LRP6: variants seen among roughly 807,000 people sequenced by gnomAD.
LRP6 encodes LDL receptor related protein 6.
A neutral mutation model predicts 184.1 loss-of-function variants in LRP6; 43 were observed. The observed-to-expected ratio is 0.23, with a 90% confidence interval of 0.18 to 0.30. The LOEUF (loss-of-function observed/expected upper bound fraction) is 0.30, where lower values mean the gene tolerates loss of function less well. LRP6 is among the 10% of genes least tolerant of loss of function. LRP6 has a pLI of 1.00. For missense variants in LRP6, 1,571 were observed against 2,005.3 expected (o/e 0.78, Z 4.14); for synonymous variants, 719 against 684.9 (o/e 1.05, Z -0.78).
At chr12:12,266,572 CTCCTCT>C in intron 1 of LRP6, 103 bp downstream of exon 1, 1 of 942,600 alleles carries the variant, frequency 1.1e-6, no homozygotes. Flanking sequence ...CCTCTCCCCG[CTCCTCT>C]CCCCTTCTCC....
chr12:12,136,719 C>T (rs1360932970), intron 16 of LRP6, among the ~76,000 whole-genome samples: 1 of 152,204 alleles, frequency 6.6e-6, no homozygotes, highest in Admixed American at 6.5e-5. Flanking sequence ...TACAAATGAG[C>T]ATACTGTCCA....
intron 1 of LRP6, among the ~76,000 whole-genome samples, chr12:12,245,786 A>G (rs1865169371): frequency 6.6e-6 from 1 of 151,922 alleles, no homozygotes; most frequent in African/African-American, 2.4e-5. Flanking sequence ...TTTGGTTTTT[A>G]TTAAATATCT....
At chr12:12,200,929 A>ATT in intron 3 of LRP6, among the ~76,000 whole-genome samples, 1 of 152,252 alleles carries the variant, frequency 6.6e-6, no homozygotes, top group Non-Finnish European at 1.5e-5. Flanking sequence ...GGGTGCTTTT[A>ATT]TTTATAAGAG....
At chr12:12,180,914 A>C in intron 6 of LRP6, 129 bp downstream of exon 6, 1 of 969,562 alleles carries the variant, frequency 1.0e-6, no homozygotes, top group South Asian at 1.4e-5. Flanking sequence ...CATATCCTAA[A>C]ATAGACAGCC....
intron 2 of LRP6, among the ~76,000 whole-genome samples, chr12:12,229,766 G>A (rs1387827467): frequency 6.6e-6 from 1 of 152,142 alleles, no homozygotes; most frequent in Non-Finnish European, 1.5e-5. Context: ...CAAAAGCTAG[G>A]CTACAGGCTT....
At chr12:12,195,324 A>T (rs1863724029) in intron 3 of LRP6, among the ~76,000 whole-genome samples, 1 of 152,152 alleles carries the variant, frequency 6.6e-6, no homozygotes, top group Admixed American at 6.5e-5. Flanking sequence ...CCAACAGTGT[A>T]TAAGAGTTCC....
At chr12:12,241,121 C>A (rs1317143423) in intron 2 of LRP6, among the ~76,000 whole-genome samples, 2 of 152,128 alleles carry the variant, frequency 1.3e-5, no homozygotes, top group Non-Finnish European at 2.9e-5. Context: ...TGCACTAGTT[C>A]CCAGGGCTCA....
At chr12:12,247,804 G>A (rs947074662) in intron 1 of LRP6, among the ~76,000 whole-genome samples, 4 of 152,146 alleles carry the variant, frequency 2.6e-5, no homozygotes, top group African/African-American at 9.7e-5. Flanking sequence ...CCATTCCAGA[G>A]AGCTTACTTT....
chr12:12,152,521 G>A (rs973088923), intron 12 of LRP6, among the ~76,000 whole-genome samples: 11 of 151,958 alleles, frequency 7.2e-5, no homozygotes, highest in Non-Finnish European at 1.2e-4. Context: ...TCCTGACCTC[G>A]TGATCCACCC....
At chr12:12,139,360 C>T (rs181030514) in intron 15 of LRP6, among the ~76,000 whole-genome samples, 85 of 152,276 alleles carry the variant, frequency 5.6e-4, no homozygotes, top group African/African-American at 1.7e-3. Flanking sequence ...CCTGAGTCAA[C>T]ATTCAGATGG....
chr12:12,183,541 A>G (rs1863395506), intron 5 of LRP6, among the ~76,000 whole-genome samples: 1 of 152,134 alleles, frequency 6.6e-6, no homozygotes, highest in Non-Finnish European at 1.5e-5. Context: ...TTAAAAAGCA[A>G]TTTAAAACAT....
At chr12:12,170,803 A>T (rs1234729072) in intron 7 of LRP6, among the ~76,000 whole-genome samples, 1 of 149,424 alleles carries the variant, frequency 6.7e-6, no homozygotes, top group African/African-American at 2.5e-5. Flanking sequence ...ACACACACAC[A>T]CACACACACA....
chr12:12,176,666 A>G (rs190583212), intron 7 of LRP6, among the ~76,000 whole-genome samples: 370 of 152,240 alleles, frequency 2.4e-3, no homozygotes, highest in Non-Finnish European at 4.2e-3. Context: ...GATCTAAAGA[A>G]TTTCCACTAA....
chr12:12,210,636 G>T (rs1487661801), intron 2 of LRP6, among the ~76,000 whole-genome samples: 1 of 152,126 alleles, frequency 6.6e-6, no homozygotes, highest in Admixed American at 6.5e-5. Context: ...CTAATTCTAA[G>T]AACATTAATG....
intron 16 of LRP6, among the ~76,000 whole-genome samples, chr12:12,135,815 T>A (rs903998256): frequency 6.6e-6 from 1 of 152,056 alleles, no homozygotes; most frequent in Non-Finnish European, 1.5e-5. Context: ...TATTTATATA[T>A]AAAATATTTT....
At chr12:12,139,631 G>A (rs903227581) in intron 15 of LRP6, among the ~76,000 whole-genome samples, 1 of 152,150 alleles carries the variant, frequency 6.6e-6, no homozygotes, top group African/African-American at 2.4e-5. Flanking sequence ...GCTGAGATGG[G>A]AGAATTCCTT....
chr12:12,186,752 G>A (rs986148433), intron 4 of LRP6, 171 bp downstream of exon 4: 24 of 630,330 alleles, frequency 3.8e-5, no homozygotes, highest in Admixed American at 3.3e-4. Flanking sequence ...TCGGCCTCCC[G>A]AGTTCAAGTG....
chr12:12,157,338 C>T (rs1272799716), intron 12 of LRP6, among the ~76,000 whole-genome samples: 3 of 152,014 alleles, frequency 2.0e-5, no homozygotes, highest in Non-Finnish European at 2.9e-5. Context: ...CACGCTGCTG[C>T]CACCACCATT....
At chr12:12,192,802 A>T (rs1244723399) in intron 3 of LRP6, among the ~76,000 whole-genome samples, 3 of 152,048 alleles carry the variant, frequency 2.0e-5, no homozygotes, top group Non-Finnish European at 2.9e-5. Flanking sequence ...GGAGAGCTCA[A>T]CACCCTATTC....
Sources: allele counts gnomAD v4.1 joint callset (sites outside exome capture counted in the v4.1 genomes callset), GRCh38; gene constraint gnomAD v4.1.1; transcripts MANE v1.5; gene names NCBI Gene and HGNC (gene_info 2026-07-23, HGNC 2026-07-21).